VTI1A: variants seen among roughly 807,000 people sequenced by gnomAD.
The protein encoded by VTI1A is vesicle transport through interaction with t-SNAREs 1A.
Under a neutral mutation model 34.9 loss-of-function variants are expected in VTI1A, and 22 were observed. The ratio of observed to expected loss-of-function variants is 0.63; its 90% CI spans 0.45 to 0.90. VTI1A has a LOEUF of 0.90. VTI1A is among the 40% of genes least tolerant of loss of function. VTI1A has a pLI of 0.00. For synonymous variants in VTI1A, 87 were observed against 97.3 expected (o/e 0.89, Z 0.62); for missense variants, 268 against 275.6 (o/e 0.97, Z 0.20).
intron 5 of VTI1A, among the ~76,000 whole-genome samples, chr10:112,558,981 A>AG (rs915141794): frequency 6.6e-6 from 1 of 152,078 alleles, no homozygotes; most frequent in Non-Finnish European, 1.5e-5. Flanking sequence ...TAGAAGAAGA[A>AG]AAAAAAAGTG....
At chr10:112,804,851 ATTTTTTTTTT>A (rs138471169) in intron 7 of VTI1A, among the ~76,000 whole-genome samples, 4 of 55,326 alleles carry the variant, frequency 7.2e-5, no homozygotes, top group African/African-American at 1.4e-4. Context: ...TAGATTATAG[ATTTTTTTTTT>A]TTTTTTTTTT....
intron 7 of VTI1A, among the ~76,000 whole-genome samples, chr10:112,788,591 C>T (rs1407492676): frequency 6.6e-6 from 1 of 152,136 alleles, no homozygotes; most frequent in Non-Finnish European, 1.5e-5. Flanking sequence ...GTCTAACAAT[C>T]TCTGCTGTTT....
intron 4 of VTI1A, among the ~76,000 whole-genome samples, chr10:112,532,568 G>T (rs192003624): frequency 6.6e-6 from 1 of 151,846 alleles, no homozygotes; most frequent in Non-Finnish European, 1.5e-5. Context: ...CCAGATATAT[G>T]GTTATATATT....
chr10:112,630,378 G>A (rs932427620), intron 5 of VTI1A, among the ~76,000 whole-genome samples: 5 of 152,132 alleles, frequency 3.3e-5, no homozygotes, highest in African/African-American at 1.2e-4. Flanking sequence ...GAAATTTTAG[G>A]TATGCTCTCC....
the VTI1A span, among the ~76,000 whole-genome samples, chr10:112,844,356 C>T: frequency 6.6e-6 from 1 of 152,184 alleles, no homozygotes; most frequent in Non-Finnish European, 1.5e-5. Context: ...AAACATGAAG[C>T]CTGGATCTTT....
intron 3 of VTI1A, among the ~76,000 whole-genome samples, chr10:112,526,089 GA>G (rs1454449513): frequency 6.6e-6 from 1 of 152,142 alleles, no homozygotes; most frequent in African/African-American, 2.4e-5. Flanking sequence ...TCTGAAGCAG[GA>G]AAGACAACAA....
At chr10:112,485,564 C>T (rs868373316) in intron 3 of VTI1A, among the ~76,000 whole-genome samples, 11 of 152,148 alleles carry the variant, frequency 7.2e-5, no homozygotes, top group Admixed American at 3.3e-4. Flanking sequence ...GTGTTTATAT[C>T]TGATGAAAGC....
At chr10:112,690,591 G>A (rs1848579830) in intron 7 of VTI1A, among the ~76,000 whole-genome samples, 1 of 152,198 alleles carries the variant, frequency 6.6e-6, no homozygotes, top group South Asian at 2.1e-4. Flanking sequence ...TGACAGTTAA[G>A]AGCAGGGTCT....
At chr10:112,531,649 A>G (rs1353960930) in intron 4 of VTI1A, among the ~76,000 whole-genome samples, 1 of 152,174 alleles carries the variant, frequency 6.6e-6, no homozygotes, top group Non-Finnish European at 1.5e-5. Flanking sequence ...TTAAACACTC[A>G]TTGATTATGG....
intron 7 of VTI1A, among the ~76,000 whole-genome samples, chr10:112,709,325 T>G (rs1849315492): frequency 6.6e-6 from 1 of 152,152 alleles, no homozygotes; most frequent in South Asian, 2.1e-4. Context: ...AATGAAGATT[T>G]TTGACCTCTA....
intron 7 of VTI1A, among the ~76,000 whole-genome samples, chr10:112,758,618 G>A (rs1229618080): frequency 6.6e-5 from 10 of 152,376 alleles, no homozygotes; most frequent in Admixed American, 5.9e-4. Context: ...GGCTTGGGCT[G>A]AGAAGTGTGG....
intron 5 of VTI1A, among the ~76,000 whole-genome samples, chr10:112,583,075 G>GATATA (rs1844011723): frequency 6.6e-6 from 1 of 152,162 alleles, no homozygotes; most frequent in Non-Finnish European, 1.5e-5. Context: ...TTATATGCAT[G>GATATA]TGGGCATCTT....
chr10:112,509,862 C>T (rs1209358217), intron 3 of VTI1A, among the ~76,000 whole-genome samples: 2 of 152,200 alleles, frequency 1.3e-5, no homozygotes, highest in Non-Finnish European at 2.9e-5. Flanking sequence ...TGGTAAGCTT[C>T]TTTGTGAAAG....
chr10:112,692,521 C>G (rs1489627838), intron 7 of VTI1A, among the ~76,000 whole-genome samples: 1 of 152,164 alleles, frequency 6.6e-6, no homozygotes, highest in Admixed American at 6.5e-5. Context: ...ACTGACCTAC[C>G]TTATTTCCCA....
chr10:112,594,075 A>AATTT (rs1447641993), intron 5 of VTI1A, among the ~76,000 whole-genome samples: 2 of 151,966 alleles, frequency 1.3e-5, no homozygotes, highest in Admixed American at 6.6e-5. Context: ...ATGCCCGGCT[A>AATTT]ATTTTTTTTG....
chr10:112,504,848 G>A (rs1169407390), intron 3 of VTI1A, among the ~76,000 whole-genome samples: 1 of 151,900 alleles, frequency 6.6e-6, no homozygotes. Context: ...TAAAGGGGAG[G>A]TCACTGTAGT....
intron 4 of VTI1A, among the ~76,000 whole-genome samples, chr10:112,531,287 A>T (rs1297079860): frequency 2.0e-5 from 3 of 152,172 alleles, no homozygotes; most frequent in Non-Finnish European, 4.4e-5. Flanking sequence ...GGGGAAAAAA[A>T]ATCTTTGTTT....
At chr10:112,673,938 TC>T (rs1847947365) in intron 7 of VTI1A, among the ~76,000 whole-genome samples, 1 of 152,154 alleles carries the variant, frequency 6.6e-6, no homozygotes, top group Admixed American at 6.5e-5. Context: ...TTTTAAAAAC[TC>T]ATTCTTTTTT....
At chr10:112,709,007 T>C (rs1208281320) in intron 7 of VTI1A, among the ~76,000 whole-genome samples, 1 of 152,254 alleles carries the variant, frequency 6.6e-6, no homozygotes, top group African/African-American at 2.4e-5. Flanking sequence ...ATGGACTTGC[T>C]GGCCCTCCAG....
Sources: allele counts gnomAD v4.1 joint callset (sites outside exome capture counted in the v4.1 genomes callset), GRCh38; gene constraint gnomAD v4.1.1; transcripts MANE v1.5; gene names NCBI Gene and HGNC (gene_info 2026-07-23, HGNC 2026-07-21).